Variants in TENT2 observed in about 807,000 individuals in gnomAD.
TENT2 encodes poly(A) RNA polymerase GLD2.
TENT2 carries 44 observed loss-of-function variants against 72.2 expected under a neutral mutation model. The ratio of observed to expected loss-of-function variants is 0.61; its 90% confidence interval spans 0.48 to 0.78. The LOEUF (loss-of-function observed/expected upper bound fraction) is 0.78, where lower values mean the gene tolerates loss of function less well. TENT2 is among the 30% of genes least tolerant of loss of function. The pLI, the probability that TENT2 is intolerant of heterozygous loss-of-function variation, is 0.00. For synonymous variants in TENT2, 212 were observed against 192.5 expected (o/e 1.10, Z -0.84); for missense variants, 541 against 569.6 (o/e 0.95, Z 0.51).
chr5:79,672,528 A>G (rs1353379047), intron 12 of TENT2, among the ~76,000 whole-genome samples: 1 of 152,018 alleles, frequency 6.6e-6, no homozygotes, highest in African/African-American at 2.4e-5. Context: ...AATTGTTTTA[A>G]TTTTTAGATC....
chr5:79,641,624 A>C (rs1463358623), intron 6 of TENT2, among the ~76,000 whole-genome samples: 6 of 151,910 alleles, frequency 3.9e-5, no homozygotes, highest in Non-Finnish European at 2.9e-5. Context: ...TTATTAAGGG[A>C]AAATAGATTT....
At chr5:79,655,574 A>G (rs1310389300) in intron 10 of TENT2, among the ~76,000 whole-genome samples, 2 of 152,104 alleles carry the variant, frequency 1.3e-5, no homozygotes, top group Non-Finnish European at 2.9e-5. Flanking sequence ...CAAAATTACT[A>G]GAAAGCTATT....
intron 1 of TENT2, chr5:79,615,158 CTCAA>C (rs1758636210): frequency 1.3e-5 from 2 of 152,168 alleles, no homozygotes; most frequent in South Asian, 4.1e-4. Context: ...TGGCTGTGGA[CTCAA>C]TCTAAGTTTT....
chr5:79,635,636 C>T (rs6862798), intron 4 of TENT2, among the ~76,000 whole-genome samples: 30,647 of 151,904 alleles, frequency 0.2, 4,583 homozygotes, highest in African/African-American at 0.42. Context: ...CTCATTGCAA[C>T]CTCTGCCTCC....
At position 79,679,683 on chromosome 5, in the gene TENT2, T is replaced by C. The variant is rs1384276579; in HGVS notation, c.1300+13T>C. The C allele has an allele frequency of 2.0e-6, 3 of 1,478,638 alleles. No homozygotes were observed. Among genetic ancestry groups the C allele is most frequent in the East Asian group, 2.3e-5 (1 of 43,098 alleles). The allele number at this position is 1,478,638 out of a possible 1,614,324, so 91.6% of individuals were successfully genotyped here. ...ATCTGTGTAGAAGGTAGTTTTCTGTTTACCATCTACGTATCATCATGGTAC... is the reference window on the plus strand; with the variant it reads ...ATCTGTGTAGAAGGTAGTTTTCTGTCTACCATCTACGTATCATCATGGTAC... On this transcript the variant is annotated intron_variant, in intron 13 of 14. Coordinates refer to ENST00000453514, the MANE Select transcript of TENT2 (RefSeq NM_001114394.3).
intron 4 of TENT2, among the ~76,000 whole-genome samples, chr5:79,632,345 T>A (rs1476786042): frequency 1.3e-5 from 2 of 152,206 alleles, no homozygotes; most frequent in Non-Finnish European, 2.9e-5. Flanking sequence ...TTGTCTTTTT[T>A]AAGTTACTGT....
chr5:79,649,323 G>T, intron 10 of TENT2, 133 bp downstream of exon 10: 2 of 764,514 alleles, frequency 2.6e-6, no homozygotes, highest in South Asian at 3.1e-5. Flanking sequence ...CACATTTCCT[G>T]TTTTGTTGCT....
rs1490989815 is a variant in TENT2 at position 79,659,552 on chromosome 5, AAAT to A, written c.1071+2552_1071+2554del. Among the ~76,000 whole-genome samples the A allele has an allele frequency of 8.7e-4, 50 of 57,784 alleles. 2 individuals are homozygous for A. The highest frequency in any genetic ancestry group is 7.2e-3 in the African/African-American group (50 of 6,988). The allele number at this position is 57,784 out of a possible 152,430, so 37.9% of individuals were successfully genotyped here. On this transcript the variant is annotated intron_variant, in intron 11 of 14. Transcript: ENST00000453514. ...GTCTCAAAAAAAAAAAAAAAAAAAA[AAAT>A]GTATATATATATATATATATATATA... is the stretch of plus-strand genomic sequence containing the variant.
At chr5:79,639,562 G>A (rs1222098897) in intron 4 of TENT2, among the ~76,000 whole-genome samples, 6 of 151,812 alleles carry the variant, frequency 4.0e-5, no homozygotes, top group African/African-American at 1.2e-4. Context: ...GTTGAGGCAC[G>A]ATAAGAGAGT....
In TENT2 at chr5:79,623,470, T is replaced by G; in HGVS notation, c.446T>G (p.Leu149Arg). The change falls in exon 4 of 15, where the codon CTG (leucine) becomes CGG (arginine). Residue 149 changes from leucine to arginine, a missense_variant. Transcript: ENST00000453514. ...IAFLEPREIT[L>R]PEAKDKLSQQ... Reference sequence around the variant, plus strand: ...TTTTTAGAACCTAGAGAAATCACACTGCCTGAGGCCAAAGATAAGGTAATA... The same window carrying G: ...TTTTTAGAACCTAGAGAAATCACACGGCCTGAGGCCAAAGATAAGGTAATA... 6.2e-7 allele frequency: 1 copy of G among 1,605,542 alleles called. No homozygotes were observed. The highest frequency in any genetic ancestry group is 8.5e-7 in the Non-Finnish European group (1 of 1,174,580).
At chr5:79,634,932 C>T (rs1191629923) in intron 4 of TENT2, among the ~76,000 whole-genome samples, 2 of 151,922 alleles carry the variant, frequency 1.3e-5, no homozygotes, top group Admixed American at 1.3e-4. Context: ...ATGTTGCTGC[C>T]TCAGCCTCCT....
intron 3 of TENT2, among the ~76,000 whole-genome samples, chr5:79,620,291 A>G (rs1763713370): frequency 6.6e-6 from 1 of 152,014 alleles, no homozygotes; most frequent in African/African-American, 2.4e-5. Flanking sequence ...GCTTTATTGT[A>G]TGTTTGTTTC....
intron 12 of TENT2, 75 bp downstream of exon 12, chr5:79,669,103 A>T: frequency 6.8e-7 from 1 of 1,463,344 alleles, no homozygotes. Context: ...TATGAATACG[A>T]ATATATAAGT....
At chr5:79,645,223 T>G in intron 8 of TENT2, 31 bp downstream of exon 8, 2 of 1,533,048 alleles carry the variant, frequency 1.3e-6, no homozygotes, top group Admixed American at 1.8e-5. Context: ...CTTTTTTTAG[T>G]TCCTTTAGAT....
At chr5:79,634,697 A>T (rs143611131) in intron 4 of TENT2, among the ~76,000 whole-genome samples, 23 of 152,308 alleles carry the variant, frequency 1.5e-4, no homozygotes, top group Non-Finnish European at 2.6e-4. Context: ...TGTAGTGAGA[A>T]ATAGACTAAT....
intron 4 of TENT2, among the ~76,000 whole-genome samples, chr5:79,637,110 T>A (rs751945398): frequency 6.6e-6 from 1 of 152,142 alleles, no homozygotes; most frequent in African/African-American, 2.4e-5. Flanking sequence ...GCTGCACACC[T>A]TTAGTCCCAG....
intron 4 of TENT2, among the ~76,000 whole-genome samples, chr5:79,627,119 G>T (rs969992929): frequency 4.4e-5 from 6 of 136,784 alleles, no homozygotes; most frequent in African/African-American, 1.8e-4. Context: ...GACAGAGTGA[G>T]ACTCCGTCTC....
At chr5:79,676,348 G>A (rs1043179092) in intron 12 of TENT2, among the ~76,000 whole-genome samples, 6 of 152,228 alleles carry the variant, frequency 3.9e-5, no homozygotes, top group Admixed American at 3.3e-4. Context: ...CACCTTGGGA[G>A]GCTGAGGTGG....
rs768158629 is a variant in TENT2, at chr5:79,623,336, C to G, written c.312C>G (p.Asn104Lys). ...CCCACCAAGAGCCAACTGTAGTTAA[C>G]CAGATAGTGCCTTTATCAGGTGAAC... ...HSPHQEPTVV[N>K]QIVPLSGERR... The change falls in exon 4 of 15, where the codon AAC becomes AAG. Residue 104 changes from asparagine (N) to lysine (K), a missense_variant. By Grantham distance (94) the Asn-to-Lys change is moderately conservative (BLOSUM62 0). Coordinates refer to ENST00000453514, the MANE Select transcript of TENT2 (RefSeq NM_001114394.3). 16 of 1,613,496 alleles carry G rather than the reference C, an allele frequency of 9.9e-6. No homozygotes were observed. The highest frequency in any genetic ancestry group is 1.4e-5 in the Non-Finnish European group (16 of 1,179,788).
Sources: gnomAD v4.1 joint callset for allele counts (sites outside exome capture counted in the v4.1 genomes callset) on GRCh38, gnomAD v4.1.1 for gene constraint, MANE v1.5 for transcripts, NCBI Gene and HGNC (gene_info 2026-07-23, HGNC 2026-07-21) for gene names.